DNAAF1: variants seen among roughly 807,000 people sequenced by gnomAD.
DNAAF1 encodes dynein assembly factor 1, axonemal.
In DNAAF1, 65 loss-of-function variants were observed where a neutral mutation model predicts 71.1. That is an observed-to-expected ratio of 0.91 (90% CI 0.75 to 1.12). DNAAF1 has a LOEUF of 1.12. Among genes scored for constraint, DNAAF1 ranks in the 50% most tolerant of loss-of-function variants. The probability of loss-of-function intolerance (pLI) is 0.00; values close to 1 mark genes in which losing one functional copy is unlikely to be tolerated. For missense variants in DNAAF1, 1,178 were observed against 899.8 expected (o/e 1.31, Z -3.96); for synonymous variants, 414 against 354.6 (o/e 1.17, Z -1.88).
At chr16:84,159,848 T>A in intron 6 of DNAAF1, 52 bp downstream of exon 6, 1 of 1,600,850 alleles carries the variant, frequency 6.2e-7, no homozygotes, top group Non-Finnish European at 8.5e-7. Flanking sequence ...TAGTTGACCA[T>A]GCTTAATATT....
intron 1 of DNAAF1, among the ~76,000 whole-genome samples, chr16:84,145,996 C>G (rs766280323): frequency 1.3e-5 from 2 of 152,208 alleles, no homozygotes; most frequent in East Asian, 1.9e-4. Flanking sequence ...ACTTGGGAGG[C>G]TGAGGCAGGA....
At chr16:84,171,859 G>A (rs2088366518) in intron 8 of DNAAF1, among the ~76,000 whole-genome samples, 1 of 151,668 alleles carries the variant, frequency 6.6e-6, no homozygotes, top group Non-Finnish European at 1.5e-5. Context: ...TGGCCTTTGG[G>A]CCCTGAGGAG....
In DNAAF1 at chr16:84,165,907, C is replaced by A. The variant is rs112191420; in HGVS notation, c.988C>A (p.Arg330=). 0.023 allele frequency: 37,832 copies of A among 1,613,050 alleles called. 601 individuals carry two copies. The highest frequency in any genetic ancestry group is 0.047 in the African/African-American group (3,493 of 74,668). Residue 330 remains arginine, a synonymous_variant, in exon 7 of 12, where the codon CGG becomes AGG. Coordinates refer to ENST00000378553, the MANE Select transcript of DNAAF1 (RefSeq NM_178452.6). ...SIEALAMIKQ[R]AEERKRQRES... is the part of the protein sequence containing the mutation. ...TGAAGCCTTGGCCATGATCAAGCAG[C>A]GGGCAGAGGAGAGGAAAAGACAGAG...
At chr16:84,148,777 A>T (rs886774962) in intron 1 of DNAAF1, among the ~76,000 whole-genome samples, 1 of 150,030 alleles carries the variant, frequency 6.7e-6, no homozygotes, top group African/African-American at 2.5e-5. Context: ...TTTTGTAGAG[A>T]TGGGGTTTTG....
Position 84,175,923 on chromosome 16 carries a change from C to T in DNAAF1, c.1699-10C>T. The stretch of plus-strand genomic sequence containing the variant: ...CAGAAACTTTCAGACACCTTTTCTT[C>T]TGTAAATAGAATATGTGCTTTCCGA... On this transcript the variant is annotated splice_polypyrimidine_tract_variant and intron_variant, in intron 10 of 11. Transcript: ENST00000378553. The T allele has an allele frequency of 6.2e-7, 1 of 1,613,880 alleles. No homozygotes were observed. Among genetic ancestry groups the T allele is most frequent in the Non-Finnish European group, 8.5e-7 (1 of 1,180,018 alleles).
chr16:84,159,699 C>A lies in DNAAF1; in HGVS notation c.766C>A (p.Pro256Thr). 1.2e-6 allele frequency: 2 copies of A among 1,613,666 alleles called. No individual in the cohort carries two copies. Residue 256 changes from proline (P) to threonine (T), a missense_variant, in exon 6 of 12, where the codon CCG becomes ACG. Physicochemically the swap from Pro to Thr is conservative, Grantham distance 38. Coordinates refer to ENST00000378553, the MANE Select transcript of DNAAF1 (RefSeq NM_178452.6). ...GCGTGTACTGAATTTGATGGGAAAC[C>A]CGGTTATCAGACAGATTCCTAATTA... Reference protein sequence around the residue: ...DLRVLNLMGNPVIRQIPNYRR... With the variant: ...DLRVLNLMGNTVIRQIPNYRR...
At chr16:84,158,190 C>T (rs2087533635) in intron 5 of DNAAF1, among the ~76,000 whole-genome samples, 1 of 151,850 alleles carries the variant, frequency 6.6e-6, no homozygotes, top group Non-Finnish European at 1.5e-5. Context: ...GGGAGACAGG[C>T]AGAGTCTGGC....
At position 84,150,240 on chromosome 16, in the gene DNAAF1, C is replaced by T. The variant is rs777266831; in HGVS notation, c.261-11C>T. On this transcript the variant is annotated splice_polypyrimidine_tract_variant and intron_variant, in intron 2 of 11. Coordinates refer to ENST00000378553, the MANE Select transcript of DNAAF1 (RefSeq NM_178452.6). ...TGCAATAAGCTTATTCATATTTTTC[C>T]ATTTTAACAGAATGACTAAAAGTTC... is the stretch of plus-strand genomic sequence containing the variant. The T allele has an allele frequency of 6.2e-6, 10 of 1,600,786 alleles. No individual in the cohort carries two copies. The East Asian group carries it at 2.2e-4, about 36-fold the overall frequency.
rs2087052283 is a variant in DNAAF1, at chr16:84,148,906, G to A, written c.125-101G>A. On this transcript the variant is annotated intron_variant, in intron 1 of 11. Coordinates refer to ENST00000378553, the MANE Select transcript of DNAAF1 (RefSeq NM_178452.6). ...TACCCAGCCACTAAAGAATACTGGT[G>A]TTCTATACTAAAAGTGGATGGTCAT... The A allele has an allele frequency of 5.2e-6, 7 of 1,356,236 alleles. No homozygotes were observed. The South Asian group carries it at 7.1e-5, about 14-fold the overall frequency. 84.0% of individuals were successfully genotyped at this position (1,356,236 alleles called of 1,614,324 possible).
Position 84,170,185 on chromosome 16 carries a change from G to A in DNAAF1, c.1357G>A (p.Val453Met), listed in dbSNP as rs775064522. The A allele has an allele frequency of 6.2e-7, 1 of 1,612,034 alleles. No homozygotes were observed. Among genetic ancestry groups the A allele is most frequent in the South Asian group, 1.1e-5 (1 of 90,992 alleles). The change falls in exon 8 of 12, where the codon GTG (valine) becomes ATG (methionine). Residue 453 changes from valine (V) to methionine (M), a missense_variant. By Grantham distance (21) the Val-to-Met change is conservative. Transcript: ENST00000378553. ...TGAGGCCCCACCACCCCCGCCACCT[G>A]TGGAGGTTAAAGGAGAGGATGGAGA... ...PAEAPPPPPP[V>M]EVKGEDGDQE...
intron 7 of DNAAF1, among the ~76,000 whole-genome samples, chr16:84,167,055 G>A (rs1189252927): frequency 1.3e-5 from 2 of 152,122 alleles, no homozygotes; most frequent in South Asian, 4.1e-4. Context: ...TGCCAACCGC[G>A]AGTCTCAGGG....
chr16:84,154,516 G>T, intron 3 of DNAAF1, 61 bp from the exon 4 acceptor site: 3 of 1,482,546 alleles, frequency 2.0e-6, no homozygotes, highest in South Asian at 2.3e-5. Flanking sequence ...AAACAAGGGT[G>T]ACCGTGACCC....
At position 84,154,586 on chromosome 16, in the gene DNAAF1, G is replaced by A. The variant is rs34897947; in HGVS notation, c.362G>A (p.Arg121His). ...TLYLHFKGFDRIENLEEYTGL... is the reference protein window; with the variant it reads ...TLYLHFKGFDHIENLEEYTGL... Reference sequence around the variant, plus strand: ...GCTTCCTTTTTGTTAGGTTTTGATCGCATTGAGAACCTGGAAGAGTACACA... The same window carrying A: ...GCTTCCTTTTTGTTAGGTTTTGATCACATTGAGAACCTGGAAGAGTACACA... Residue 121 changes from arginine (R) to histidine (H), a missense_variant, in exon 4 of 12, where the codon CGC becomes CAC. Coordinates refer to ENST00000378553, the MANE Select transcript of DNAAF1 (RefSeq NM_178452.6). 8.2e-5 allele frequency: 132 copies of A among 1,614,014 alleles called. No individual in the cohort carries two copies. The highest frequency in any genetic ancestry group is 7.8e-4 in the Admixed American group (47 of 60,016).
Position 84,145,312 on chromosome 16 carries a change from A to T in DNAAF1, c.-129A>T, listed in dbSNP as rs1209012144. 4.7e-6 allele frequency: 7 copies of T among 1,480,158 alleles called. No homozygotes were observed. Among genetic ancestry groups the T allele is most frequent in the Non-Finnish European group, 6.4e-6 (7 of 1,099,294 alleles). 91.7% of individuals were successfully genotyped at this position (1,480,158 alleles called of 1,614,324 possible). The stretch of plus-strand genomic sequence containing the variant: ...CGACCGGGGAAGCGTTGGGCTGTAA[A>T]GACTAGGGCGCCAGCGGCTGGCGAA... On this transcript the variant is annotated 5_prime_UTR_variant, in exon 1 of 12. The change creates a new upstream start codon in the 5' untranslated region. Coordinates refer to ENST00000378553, the MANE Select transcript of DNAAF1 (RefSeq NM_178452.6).
In DNAAF1 at chr16:84,174,854, TTTTTC is replaced by T. The variant is rs544231465; in HGVS notation, c.1698+148_1698+152del. ...TAAAGCATTGAATTCCCCCATATTC[TTTTTC>T]TTTTCTTTTCTTTTCAGGCAGAGTC... On this transcript the variant is annotated intron_variant, in intron 10 of 11. Coordinates refer to ENST00000378553, the MANE Select transcript of DNAAF1 (RefSeq NM_178452.6). 2.5e-3 allele frequency: 3,059 copies of T among 1,209,138 alleles called. 12 individuals carry two copies. The highest frequency in any genetic ancestry group is 3.4e-3 in the Non-Finnish European group (2,805 of 834,824). 74.9% of individuals were successfully genotyped at this position (1,209,138 alleles called of 1,614,324 possible). A position where few individuals can be genotyped will look rare whatever the true frequency, so the allele number is the denominator to read the frequency against.
intron 1 of DNAAF1, 98 bp downstream of exon 1, chr16:84,145,662 A>G (rs2086864488): frequency 8.1e-6 from 11 of 1,351,124 alleles, no homozygotes; most frequent in Non-Finnish European, 1.0e-5. Flanking sequence ...TTCACAGCCA[A>G]ATAATAACAA....
intron 1 of DNAAF1, among the ~76,000 whole-genome samples, chr16:84,148,709 C>G (rs2087042931): frequency 1.3e-5 from 2 of 149,638 alleles, no homozygotes; most frequent in Non-Finnish European, 3.0e-5. Context: ...AGTGATCAAC[C>G]TGCCTCAGCC....
intron 1 of DNAAF1, among the ~76,000 whole-genome samples, chr16:84,148,534 T>C (rs2151204341): frequency 6.7e-6 from 1 of 149,772 alleles, no homozygotes; most frequent in South Asian, 2.1e-4. Context: ...GAAATTTACA[T>C]AGTCTTTGCC....
Position 84,170,120 on chromosome 16 carries a change from G to A in DNAAF1, c.1292G>A (p.Gly431Glu). 6.3e-7 allele frequency: 1 copy of A among 1,583,526 alleles called. No individual in the cohort carries two copies. Among genetic ancestry groups the A allele is most frequent in the Non-Finnish European group, 8.6e-7 (1 of 1,161,266 alleles). The change falls in exon 8 of 12, where the codon GGA becomes GAA. Residue 431 changes from glycine to glutamate, a missense_variant. Transcript: ENST00000378553. ...LLLSSPVEVKGEDGDGEPEGT... is the reference protein window; with the variant it reads ...LLLSSPVEVKEEDGDGEPEGT... Reference sequence around the variant, plus strand: ...CTGTCGTCACCTGTGGAGGTTAAAGGAGAGGACGGAGATGGAGAGCCAGAG... The same window carrying A: ...CTGTCGTCACCTGTGGAGGTTAAAGAAGAGGACGGAGATGGAGAGCCAGAG...
Sources: allele counts gnomAD v4.1 joint callset (sites outside exome capture counted in the v4.1 genomes callset), GRCh38; gene constraint gnomAD v4.1.1; transcripts MANE v1.5; gene names NCBI Gene and HGNC (gene_info 2026-07-23, HGNC 2026-07-21).